CCND3: variants seen among roughly 807,000 people sequenced by gnomAD.
CCND3 encodes cyclin D3.
Under a neutral mutation model 28.7 loss-of-function variants are expected in CCND3, and 9 were observed. That is an observed-to-expected ratio of 0.31 (90% confidence interval 0.19 to 0.55). The LOEUF is 0.55. Ranked by LOEUF, CCND3 falls within the 20% of genes least tolerant of loss-of-function variation. The pLI, the probability that CCND3 is intolerant of heterozygous loss-of-function variation, is 0.93. For synonymous variants in CCND3, 164 were observed against 163.9 expected (o/e 1.00, Z 0.00); for missense variants, 315 against 385.8 (o/e 0.82, Z 1.54).
intron 1 of CCND3, among the ~76,000 whole-genome samples, chr6:41,979,890 C>T (rs1235777097): frequency 6.6e-6 from 1 of 151,886 alleles, no homozygotes; most frequent in Non-Finnish European, 1.5e-5. Context: ...CCTGCCTCGG[C>T]CCCCTAGAGT....
chr6:41,972,379 C>A (rs1353597388), intron 1 of CCND3, among the ~76,000 whole-genome samples: 7 of 152,088 alleles, frequency 4.6e-5, no homozygotes, highest in African/African-American at 1.7e-4. Flanking sequence ...TCCCCTAGAG[C>A]TACAACGTCC....
intron 1 of CCND3, among the ~76,000 whole-genome samples, chr6:42,013,559 G>A (rs114724710): frequency 1.3e-5 from 2 of 152,178 alleles, no homozygotes; most frequent in Non-Finnish European, 2.9e-5. Context: ...CACCTATCCT[G>A]TATTTCTATA....
chr6:41,971,386 C>T (rs1762028487), intron 1 of CCND3, among the ~76,000 whole-genome samples: 1 of 152,080 alleles, frequency 6.6e-6, no homozygotes, highest in Non-Finnish European at 1.5e-5. Context: ...CCGCCTCAGC[C>T]TCTGAGTAGC....
At chr6:42,023,215 C>T (rs939069959) in intron 1 of CCND3, among the ~76,000 whole-genome samples, 1 of 152,190 alleles carries the variant, frequency 6.6e-6, no homozygotes, top group Non-Finnish European at 1.5e-5. Context: ...TCACAGTCTA[C>T]TTAGTGCCAC....
intron 1 of CCND3, among the ~76,000 whole-genome samples, chr6:42,015,998 G>C (rs1475891216): frequency 1.3e-5 from 2 of 151,538 alleles, no homozygotes; most frequent in Admixed American, 1.3e-4. Context: ...GAGTGCAGTG[G>C]CGTGATATCA....
At chr6:41,964,486 A>ATGTGTGTGTGTGTGAGTGTGTGTGAATG (rs57170949) in intron 1 of CCND3, among the ~76,000 whole-genome samples, 5 of 103,056 alleles carry the variant, frequency 4.9e-5, no homozygotes, top group African/African-American at 1.9e-4. Context: ...GTGTGTGTGA[A>ATGTGTGTGTGTGTGAGTGTGTGTGAATG]TGTGTGTGTG....
intron 1 of CCND3, among the ~76,000 whole-genome samples, chr6:42,017,715 T>C (rs1197271937): frequency 6.7e-6 from 1 of 149,980 alleles, no homozygotes; most frequent in Non-Finnish European, 1.5e-5. Context: ...CTGAGTAAAA[T>C]ATGGGTGGAA....
intron 1 of CCND3, among the ~76,000 whole-genome samples, chr6:41,977,360 A>C (rs1330668441): frequency 6.6e-6 from 1 of 151,912 alleles, no homozygotes; most frequent in African/African-American, 2.4e-5. Flanking sequence ...AGAACAAATA[A>C]CTGTACTTTA....
intron 1 of CCND3, among the ~76,000 whole-genome samples, chr6:41,969,745 C>CA (rs1761984081): frequency 1.3e-5 from 2 of 152,066 alleles, no homozygotes; most frequent in Middle Eastern, 6.8e-3. Flanking sequence ...AAAAAACAAA[C>CA]AAACAAACAA....
chr6:41,959,422 T>A (rs1247520253), intron 1 of CCND3, among the ~76,000 whole-genome samples: 1 of 152,146 alleles, frequency 6.6e-6, no homozygotes, highest in African/African-American at 2.4e-5. Context: ...GGCTCACGCC[T>A]GTGAGCCAGG....
intron 2 of CCND3, 103 bp from the exon 3 acceptor site, chr6:41,937,497 T>A: frequency 1.4e-6 from 2 of 1,393,152 alleles, no homozygotes; most frequent in African/African-American, 1.4e-5. Flanking sequence ...ATCAAACTTT[T>A]AAAGCCCAAG....
chr6:42,017,517 C>G (rs1056135444), intron 1 of CCND3, among the ~76,000 whole-genome samples: 15 of 152,178 alleles, frequency 9.9e-5, no homozygotes, highest in Admixed American at 3.3e-4. Flanking sequence ...TTGACTGCAT[C>G]CCCAGCCACC....
At chr6:42,027,505 A>T (rs1340195114) in intron 1 of CCND3, among the ~76,000 whole-genome samples, 1 of 151,934 alleles carries the variant, frequency 6.6e-6, no homozygotes, top group Non-Finnish European at 1.5e-5. Context: ...TTGGAGGTGA[A>T]TGTCTCTCTC....
intron 1 of CCND3, among the ~76,000 whole-genome samples, chr6:41,956,988 AC>A (rs1776455001): frequency 6.6e-6 from 1 of 152,106 alleles, no homozygotes; most frequent in South Asian, 2.1e-4. Context: ...CCAAGATCGC[AC>A]CACTGCACTC....
intron 1 of CCND3, among the ~76,000 whole-genome samples, chr6:41,991,480 CATA>C (rs778699107): frequency 2.6e-5 from 4 of 152,158 alleles, no homozygotes; most frequent in African/African-American, 9.7e-5. Flanking sequence ...TTAATTGATA[CATA>C]ATAATTGTAC....
At chr6:41,985,022 C>G (rs948817432) in intron 1 of CCND3, among the ~76,000 whole-genome samples, 2 of 152,118 alleles carry the variant, frequency 1.3e-5, no homozygotes, top group South Asian at 2.1e-4. Context: ...TATTGAGTTA[C>G]ATAAGTTCCT....
At chr6:41,984,875 C>T (rs566819575) in intron 1 of CCND3, among the ~76,000 whole-genome samples, 1 of 152,142 alleles carries the variant, frequency 6.6e-6, no homozygotes, top group Non-Finnish European at 1.5e-5. Flanking sequence ...ATGTTAAGTA[C>T]CTTTTCATGC....
At chr6:41,949,432 G>A (rs1032261552) in intron 1 of CCND3, among the ~76,000 whole-genome samples, 1 of 152,098 alleles carries the variant, frequency 6.6e-6, no homozygotes, top group African/African-American at 2.4e-5. Flanking sequence ...TTTAACCCAG[G>A]AGGCAGAGGT....
At chr6:42,021,909 G>T (rs1172431091) in intron 1 of CCND3, among the ~76,000 whole-genome samples, 1 of 152,204 alleles carries the variant, frequency 6.6e-6, no homozygotes, top group Non-Finnish European at 1.5e-5. Context: ...CTTTAGAAAT[G>T]TACAGTAATC....
Sources: allele counts gnomAD v4.1 joint callset (sites outside exome capture counted in the v4.1 genomes callset), GRCh38; gene constraint gnomAD v4.1.1; transcripts MANE v1.5; gene names NCBI Gene and HGNC (gene_info 2026-07-23, HGNC 2026-07-21).